Variants in MBD5 observed in about 807,000 individuals in gnomAD.
The protein encoded by MBD5 is methyl-CpG binding domain protein 5.
In MBD5, 13 loss-of-function variants were observed where a neutral mutation model predicts 117.3. That is an observed-to-expected ratio of 0.11 (90% CI 0.07 to 0.18). The LOEUF is 0.18. Ranked by LOEUF, MBD5 falls within the 10% of genes least tolerant of loss-of-function variation. The pLI is 1.00. For synonymous variants in MBD5, 727 were observed against 766.4 expected, an observed-to-expected ratio of 0.95 and a Z score of 0.85; for missense variants, 1,879 against 2,093.8, an observed-to-expected ratio of 0.90 and a Z score of 2.00.
At chr2:148,397,550 C>T (rs1001357911) in intron 4 of MBD5, among the ~76,000 whole-genome samples, 2 of 151,976 alleles carry the variant, frequency 1.3e-5, no homozygotes, top group Admixed American at 6.6e-5. Context: ...AGTATGGTCT[C>T]GATCTACTGA....
At chr2:148,365,013 A>G (rs75517813) in intron 4 of MBD5, among the ~76,000 whole-genome samples, 28,751 of 152,184 alleles carry the variant, frequency 0.19, 3,694 homozygotes, top group East Asian at 0.53. Context: ...AGAACTCTCC[A>G]CCCCAAATCA....
At chr2:148,491,737 A>G (rs1168333492) in intron 11 of MBD5, among the ~76,000 whole-genome samples, 1 of 152,020 alleles carries the variant, frequency 6.6e-6, no homozygotes, top group East Asian at 1.9e-4. Context: ...ACCCCTATTC[A>G]CAAAATATTT....
At chr2:148,459,685 C>G (rs998003582) in intron 5 of MBD5, among the ~76,000 whole-genome samples, 56 of 152,224 alleles carry the variant, frequency 3.7e-4, no homozygotes, top group African/African-American at 1.2e-3. Context: ...TTCAGTGTGG[C>G]TATTTATATC....
intron 1 of MBD5, among the ~76,000 whole-genome samples, chr2:148,068,896 A>G (rs1179590016): frequency 6.6e-6 from 1 of 152,202 alleles, no homozygotes; most frequent in Non-Finnish European, 1.5e-5. Context: ...TAAGGAAGCT[A>G]TTCAGTCCTT....
chr2:148,497,259 T>A (rs1681730540), intron 11 of MBD5, among the ~76,000 whole-genome samples: 2 of 152,094 alleles, frequency 1.3e-5, no homozygotes, highest in Admixed American at 1.3e-4. Context: ...TAGGCACAAA[T>A]GTACTAGGCA....
chr2:148,155,134 G>A (rs1428050369), intron 1 of MBD5, among the ~76,000 whole-genome samples: 1 of 152,174 alleles, frequency 6.6e-6, no homozygotes, highest in Non-Finnish European at 1.5e-5. Flanking sequence ...GGAGAAAAAT[G>A]AGCGGGAAAG....
chr2:148,488,976 A>C (rs1681427632), intron 10 of MBD5, among the ~76,000 whole-genome samples: 1 of 152,142 alleles, frequency 6.6e-6, no homozygotes, highest in Non-Finnish European at 1.5e-5. Flanking sequence ...GTTAGAAATC[A>C]TTTTCAAAAT....
At chr2:148,439,779 G>T (rs80180243) in intron 4 of MBD5, among the ~76,000 whole-genome samples, 1 of 136,650 alleles carries the variant, frequency 7.3e-6, no homozygotes, top group African/African-American at 2.8e-5. Context: ...TAGCCCTGTC[G>T]CCCAACTGAA....
intron 12 of MBD5, among the ~76,000 whole-genome samples, chr2:148,505,151 A>T (rs1681992472): frequency 6.6e-6 from 1 of 152,156 alleles, no homozygotes. Flanking sequence ...GATTGATCAG[A>T]ATGTAAAGGA....
intron 12 of MBD5, among the ~76,000 whole-genome samples, chr2:148,506,151 C>A (rs1682023971): frequency 6.6e-6 from 1 of 152,092 alleles, no homozygotes; most frequent in Non-Finnish European, 1.5e-5. Flanking sequence ...TCAAACTGTA[C>A]AACAAATAAA....
chr2:148,120,765 T>C (rs749200733), intron 1 of MBD5, among the ~76,000 whole-genome samples: 6 of 152,224 alleles, frequency 3.9e-5, no homozygotes, highest in African/African-American at 7.2e-5. Flanking sequence ...CCTGGCTGTC[T>C]TCTATTTCTT....
chr2:148,287,080 C>T (rs1394516004), intron 3 of MBD5, among the ~76,000 whole-genome samples: 1 of 151,734 alleles, frequency 6.6e-6, no homozygotes, highest in Non-Finnish European at 1.5e-5. Context: ...TTTTAGTTTT[C>T]CTAAAGGTGT....
intron 12 of MBD5, among the ~76,000 whole-genome samples, chr2:148,505,550 G>C (rs554649198): frequency 3.2e-4 from 48 of 152,148 alleles, no homozygotes; most frequent in South Asian, 6.2e-4. Context: ...CCATCAGATT[G>C]GGCAATTTGA....
chr2:148,405,780 A>G (rs2105128873), intron 4 of MBD5, among the ~76,000 whole-genome samples: 1 of 152,294 alleles, frequency 6.6e-6, no homozygotes, highest in Middle Eastern at 3.4e-3. Context: ...CCTTTTTAAA[A>G]AAAAGTAAAT....
intron 2 of MBD5, among the ~76,000 whole-genome samples, chr2:148,205,017 A>G (rs977550442): frequency 6.6e-6 from 1 of 152,200 alleles, no homozygotes; most frequent in East Asian, 1.9e-4. Flanking sequence ...CCCTAAAAAT[A>G]TACCACTTCT....
intron 4 of MBD5, among the ~76,000 whole-genome samples, chr2:148,453,375 G>T (rs181399631): frequency 6.6e-6 from 1 of 152,032 alleles, no homozygotes; most frequent in African/African-American, 2.4e-5. Context: ...TGAAAACATT[G>T]GTGGAATTGT....
chr2:148,181,294 A>C (rs1187635748), intron 2 of MBD5, among the ~76,000 whole-genome samples: 1 of 152,212 alleles, frequency 6.6e-6, no homozygotes, highest in Non-Finnish European at 1.5e-5. Flanking sequence ...TTTGCCATCC[A>C]AATTGCTTTC....
rs543380830 is a variant in MBD5, at chr2:148,364,160, A to G, written c.-557+21824A>G. Among the ~76,000 whole-genome samples, 319 of 152,326 alleles carry G rather than the reference A, an allele frequency of 2.1e-3. 1 individual carries two copies. The highest frequency in any genetic ancestry group is 3.4e-3 in the Non-Finnish European group (231 of 68,030). On this transcript the variant is annotated intron_variant, in intron 4 of 13. Transcript: ENST00000642680. Reference sequence around the variant, plus strand: ...CAGCAGATATCTCAGTAGAAACCCTACAAGCCAGAAAAGAGTGGGGGCCAA... The same window carrying G: ...CAGCAGATATCTCAGTAGAAACCCTGCAAGCCAGAAAAGAGTGGGGGCCAA...
At chr2:148,231,493 G>A (rs970632005) in intron 2 of MBD5, among the ~76,000 whole-genome samples, 3 of 152,124 alleles carry the variant, frequency 2.0e-5, no homozygotes, top group Non-Finnish European at 4.4e-5. Context: ...GTGATATGAA[G>A]TTAAAGCCAG....
Sources: gnomAD v4.1 joint callset for allele counts (sites outside exome capture counted in the v4.1 genomes callset) on GRCh38, gnomAD v4.1.1 for gene constraint, MANE v1.5 for transcripts, NCBI Gene and HGNC (gene_info 2026-07-23, HGNC 2026-07-21) for gene names.